Variants in NTM observed in about 807,000 individuals in gnomAD.
The protein encoded by NTM is neurotrimin.
Under a neutral mutation model 42.1 loss-of-function variants are expected in NTM, and 13 were observed. The ratio of observed to expected loss-of-function variants is 0.31; its 90% confidence interval spans 0.20 to 0.49. NTM has a LOEUF of 0.49. Among genes scored for constraint, NTM ranks in the 20% least tolerant of loss-of-function variants. NTM has a pLI of 0.99. For missense variants in NTM, 373 were observed against 452.8 expected (o/e 0.82, Z 1.60); for synonymous variants, 187 against 179.2 (o/e 1.04, Z -0.35).
At chr11:132,084,394 T>A (rs991360516) in intron 2 of NTM, among the ~76,000 whole-genome samples, 1 of 152,168 alleles carries the variant, frequency 6.6e-6, no homozygotes. Context: ...ACTAATATTA[T>A]TTACTAAAAT....
chr11:131,435,349 G>A (rs1257994619), intron 1 of NTM, among the ~76,000 whole-genome samples: 1 of 152,170 alleles, frequency 6.6e-6, no homozygotes, highest in Non-Finnish European at 1.5e-5. Context: ...AGCTTGATGG[G>A]GATGGAATTG....
chr11:131,411,672 ATTC>A (rs1242555048), intron 1 of NTM, among the ~76,000 whole-genome samples: 2 of 151,524 alleles, frequency 1.3e-5, no homozygotes, highest in Non-Finnish European at 2.9e-5. Flanking sequence ...GGAAGGTGAT[ATTC>A]TTCTCCCAAA....
chr11:131,438,600 C>T (rs1157198422), intron 1 of NTM, among the ~76,000 whole-genome samples: 1 of 152,184 alleles, frequency 6.6e-6, no homozygotes, highest in Non-Finnish European at 1.5e-5. Context: ...GCATGTGTCA[C>T]GTAGTTCTCA....
At chr11:131,558,573 C>T (rs777752885) in intron 1 of NTM, among the ~76,000 whole-genome samples, 42 of 152,126 alleles carry the variant, frequency 2.8e-4, no homozygotes, top group Non-Finnish European at 4.6e-4. Context: ...GGTATACGCG[C>T]ATTCTATATT....
intron 1 of NTM, among the ~76,000 whole-genome samples, chr11:131,665,256 A>G (rs1043483686): frequency 1.2e-4 from 19 of 152,274 alleles, no homozygotes; most frequent in Admixed American, 5.2e-4. Context: ...TTTTTGTACT[A>G]CAGGGTAACA....
At chr11:132,092,022 C>G (rs1047297491) in intron 2 of NTM, among the ~76,000 whole-genome samples, 52 of 152,312 alleles carry the variant, frequency 3.4e-4, no homozygotes, top group African/African-American at 1.2e-3. Context: ...ACCTTCAATC[C>G]TCTTAAAGAA....
intron 1 of NTM, among the ~76,000 whole-genome samples, chr11:131,517,148 C>T (rs2048995575): frequency 6.6e-6 from 1 of 152,150 alleles, no homozygotes; most frequent in African/African-American, 2.4e-5. Flanking sequence ...ATGCTGTGTG[C>T]AAGGTCTGAG....
intron 1 of NTM, among the ~76,000 whole-genome samples, chr11:131,626,411 G>C (rs2063108570): frequency 6.6e-6 from 1 of 152,076 alleles, no homozygotes; most frequent in Non-Finnish European, 1.5e-5. Flanking sequence ...GTTCTATTTT[G>C]TCCCTAAGAT....
At chr11:131,731,092 C>T (rs906879821) in intron 1 of NTM, among the ~76,000 whole-genome samples, 1 of 151,942 alleles carries the variant, frequency 6.6e-6, no homozygotes, top group Admixed American at 6.6e-5. Flanking sequence ...CTATAAAAAC[C>T]CTACAATTTG....
chr11:132,036,314 A>G (rs990367286), intron 2 of NTM, among the ~76,000 whole-genome samples: 8 of 152,084 alleles, frequency 5.3e-5, no homozygotes, highest in African/African-American at 1.9e-4. Context: ...TTTTCTTCAT[A>G]AGAGAGACTG....
At chr11:132,041,328 G>T (rs1324411674) in intron 2 of NTM, among the ~76,000 whole-genome samples, 3 of 151,962 alleles carry the variant, frequency 2.0e-5, no homozygotes, top group Non-Finnish European at 4.4e-5. Context: ...AAATTTGTAA[G>T]CAAGGTGATG....
intron 1 of NTM, among the ~76,000 whole-genome samples, chr11:131,719,203 C>A (rs1302905414): frequency 1.3e-5 from 2 of 152,198 alleles, no homozygotes; most frequent in Admixed American, 6.5e-5. Context: ...AGCCCGCGCC[C>A]AGTGCTTCCA....
intron 1 of NTM, among the ~76,000 whole-genome samples, chr11:131,696,385 A>C (rs2135108248): frequency 6.6e-6 from 1 of 152,246 alleles, no homozygotes; most frequent in Admixed American, 6.5e-5. Context: ...TTACACCAGC[A>C]CCCAGCACCA....
chr11:131,395,184 C>G lies in NTM; in HGVS notation c.82+24296C>G, dbSNP rs12222394. ...TGTCCTGCCCATTTGTGTGTGGACT[C>G]TGACCCTTCCTTGGTCACAGGCTGG... is the stretch of plus-strand genomic sequence containing the variant. On this transcript the variant is annotated intron_variant, in intron 1 of 8. Coordinates refer to ENST00000683400, the MANE Select transcript of NTM (RefSeq NM_001352005.2). Among the ~76,000 whole-genome samples, 49 of 152,272 alleles carry G rather than the reference C, an allele frequency of 3.2e-4. No homozygotes were observed. In the East Asian group the frequency reaches 9.3e-3, roughly 29 times the overall value.
intron 2 of NTM, among the ~76,000 whole-genome samples, chr11:132,132,228 C>T (rs1047944304): frequency 2.6e-5 from 4 of 152,110 alleles, no homozygotes; most frequent in African/African-American, 9.7e-5. Context: ...GGAACTACAG[C>T]AGAGTGAAGG....
rs2095870306 is a variant in NTM, at chr11:132,336,119, C to T, written c.*973C>T. On this transcript the variant is annotated 3_prime_UTR_variant, in exon 9 of 9. Transcript: ENST00000683400. Reference sequence around the variant, plus strand: ...TGTTTAGAAATGGAAAGGTGATCTGCACTGTATCTTGGGTTTGTTGGCTAT... The same window carrying T: ...TGTTTAGAAATGGAAAGGTGATCTGTACTGTATCTTGGGTTTGTTGGCTAT... 6.6e-6 allele frequency: 1 copy of T among 152,632 alleles called. No homozygotes were observed. The highest frequency in any genetic ancestry group is 1.5e-5 in the Non-Finnish European group (1 of 68,062). 9.5% of individuals were successfully genotyped at this position (152,632 alleles called of 1,614,324 possible). A position where few individuals can be genotyped will look rare whatever the true frequency, so the allele number is the denominator to read the frequency against.
chr11:132,166,268 T>G (rs2075267013), intron 3 of NTM, among the ~76,000 whole-genome samples: 1 of 152,130 alleles, frequency 6.6e-6, no homozygotes, highest in Non-Finnish European at 1.5e-5. Context: ...ATAATGTCAG[T>G]TTTGCAATGA....
At chr11:131,779,071 C>T (rs1005314092) in intron 1 of NTM, among the ~76,000 whole-genome samples, 35 of 152,208 alleles carry the variant, frequency 2.3e-4, no homozygotes, top group Non-Finnish European at 3.7e-4. Flanking sequence ...ATGGGGGCTA[C>T]GTGGCCAACA....
intron 2 of NTM, among the ~76,000 whole-genome samples, chr11:131,959,004 C>T (rs1393111059): frequency 6.6e-6 from 1 of 152,164 alleles, no homozygotes; most frequent in Non-Finnish European, 1.5e-5. Flanking sequence ...AACGAGACTC[C>T]AGGGTCAGAG....
Sources: gnomAD v4.1 joint callset for allele counts (sites outside exome capture counted in the v4.1 genomes callset) on GRCh38, gnomAD v4.1.1 for gene constraint, MANE v1.5 for transcripts, NCBI Gene and HGNC (gene_info 2026-07-23, HGNC 2026-07-21) for gene names.